The following ANO6 variants were observed in gnomAD, a reference collection of about 807,000 sequenced individuals.
ANO6 encodes the protein anoctamin-6.
Under a neutral mutation model 117.5 loss-of-function variants are expected in ANO6, and 106 were observed. The ratio of observed to expected loss-of-function variants is 0.90; its 90% CI spans 0.77 to 1.06. ANO6 has a LOEUF of 1.06. ANO6 is among the 50% of genes least tolerant of loss of function. The probability of loss-of-function intolerance (pLI) is 0.00; values close to 1 mark genes in which losing one functional copy is unlikely to be tolerated. For synonymous variants in ANO6, 367 were observed against 385.1 expected (o/e 0.95, Z 0.55); for missense variants, 955 against 1,121.1 (o/e 0.85, Z 2.12).
chr12:45,438,102 G>A (rs536057345), intron 19 of ANO6, among the ~76,000 whole-genome samples: 64 of 152,168 alleles, frequency 4.2e-4, no homozygotes, highest in African/African-American at 1.4e-3. Flanking sequence ...TGGTGCTTCC[G>A]CTCAGGCAAG....
chr12:45,238,073 A>G (rs1242062469), intron 1 of ANO6, among the ~76,000 whole-genome samples: 1 of 151,614 alleles, frequency 6.6e-6, no homozygotes, highest in Non-Finnish European at 1.5e-5. Flanking sequence ...TTGATTTTGT[A>G]TCCTGAGACT....
intron 2 of ANO6, among the ~76,000 whole-genome samples, chr12:45,324,272 T>C (rs1262226385): frequency 6.6e-6 from 1 of 152,178 alleles, no homozygotes; most frequent in South Asian, 2.1e-4. Flanking sequence ...TTTTTAAAAT[T>C]GTGTTTTGGA....
rs79936883 is a variant in ANO6, at chr12:45,222,850, C to T, written c.70+6459C>T. On this transcript the variant is annotated intron_variant, in intron 1 of 19. Transcript: ENST00000320560. ...CACAGAGATGCCAGAAAAATCTGAT[C>T]AGACAGGCCTTGCTGGGTTTCCCCA... Among the ~76,000 whole-genome samples the T allele has an allele frequency of 6.3e-3, 954 of 152,328 alleles. 7 individuals carry two copies. The highest frequency in any genetic ancestry group is 0.021 in the African/African-American group (879 of 41,570).
intron 1 of ANO6, among the ~76,000 whole-genome samples, chr12:45,225,509 G>T (rs1947468539): frequency 6.6e-6 from 1 of 150,830 alleles, no homozygotes; most frequent in East Asian, 2.0e-4. Flanking sequence ...TTTTTTTTGA[G>T]ATGGAGTCTT....
chr12:45,253,506 C>T (rs189242251), intron 1 of ANO6, among the ~76,000 whole-genome samples: 15 of 152,272 alleles, frequency 9.9e-5, no homozygotes, highest in African/African-American at 3.6e-4. Flanking sequence ...TCTAAATCTG[C>T]ACATGACTGT....
Position 45,276,303 on chromosome 12 carries a change from C to T in ANO6, c.71-25711C>T, listed in dbSNP as rs576213754. ...GTCTAATGACTGGGTCTGTCGTTTC[C>T]ACTCCTGCCACAGAAGTATGCTCTG... On this transcript the variant is annotated intron_variant, in intron 1 of 19. Transcript: ENST00000320560. Among the ~76,000 whole-genome samples the T allele has an allele frequency of 3.9e-5, 6 of 152,242 alleles. No homozygotes were observed. The South Asian group carries it at 8.3e-4, about 21-fold the overall frequency.
chr12:45,433,689 T>TCGTCAC (rs60282823), downstream of ANO6, among the ~76,000 whole-genome samples: 3 of 152,092 alleles, frequency 2.0e-5, no homozygotes, highest in Admixed American at 6.5e-5. Flanking sequence ...CTTTGAGCCC[T>TCGTCAC]CGTCACCGTC....
At chr12:45,294,276 AT>A (rs1939215382) in intron 1 of ANO6, among the ~76,000 whole-genome samples, 1 of 152,176 alleles carries the variant, frequency 6.6e-6, no homozygotes, top group African/African-American at 2.4e-5. Context: ...GAGGAAAAGC[AT>A]TTTTTACCAG....
chr12:45,409,576 A>G (rs1357288355), intron 16 of ANO6, 89 bp downstream of exon 16: 1 of 1,418,806 alleles, frequency 7.0e-7, no homozygotes, highest in African/African-American at 1.4e-5. Context: ...CCATATTAAC[A>G]TTTAGCATAT....
At chr12:45,335,341 T>C (rs1224447713) in intron 3 of ANO6, among the ~76,000 whole-genome samples, 1 of 152,014 alleles carries the variant, frequency 6.6e-6, no homozygotes, top group Non-Finnish European at 1.5e-5. Flanking sequence ...AAAACTGTTA[T>C]CCATTGTTTT....
intron 13 of ANO6, 136 bp from the exon 14 acceptor site, chr12:45,402,936 A>G: frequency 1.2e-6 from 1 of 866,526 alleles, no homozygotes. Flanking sequence ...GGAATTCAAA[A>G]CAGCTTAAAT....
At chr12:45,347,942 T>C (rs1941180664) in intron 4 of ANO6, 86 bp from the exon 5 acceptor site, 1 of 1,339,908 alleles carries the variant, frequency 7.5e-7, no homozygotes, top group Non-Finnish European at 1.0e-6. Context: ...TTTTTAAAGC[T>C]ACCAACAACA....
intron 2 of ANO6, among the ~76,000 whole-genome samples, chr12:45,309,544 G>A (rs955869075): frequency 6.6e-6 from 1 of 151,980 alleles, no homozygotes; most frequent in Admixed American, 6.6e-5. Flanking sequence ...GTCTCAAAGT[G>A]GGTTCAAGGA....
At chr12:45,270,363 T>C in intron 1 of ANO6, 1 of 1,375,066 alleles carries the variant, frequency 7.3e-7, no homozygotes, top group African/African-American at 1.5e-5. Context: ...TCCTTGTTGT[T>C]ACAGAGGCAG....
At chr12:45,296,221 C>A (rs1432944986) in intron 1 of ANO6, among the ~76,000 whole-genome samples, 1 of 152,172 alleles carries the variant, frequency 6.6e-6, no homozygotes, top group African/African-American at 2.4e-5. Context: ...TACAAGACAG[C>A]GTGGCAGATC....
intron 12 of ANO6, among the ~76,000 whole-genome samples, chr12:45,399,414 T>C (rs1350741956): frequency 6.6e-6 from 1 of 152,108 alleles, no homozygotes; most frequent in Non-Finnish European, 1.5e-5. Context: ...CAGGCTTGTC[T>C]GGAACTCCTG....
At chr12:45,314,549 T>G (rs1592952346) in intron 2 of ANO6, among the ~76,000 whole-genome samples, 1 of 151,274 alleles carries the variant, frequency 6.6e-6, no homozygotes, top group East Asian at 1.9e-4. Context: ...TATACACATA[T>G]ATGTGTACAT....
chr12:45,284,638 T>C (rs1023772485), intron 1 of ANO6, among the ~76,000 whole-genome samples: 2 of 152,186 alleles, frequency 1.3e-5, no homozygotes, highest in African/African-American at 4.8e-5. Context: ...AGGCATCTGT[T>C]CTCCCCAGAT....
intron 1 of ANO6, among the ~76,000 whole-genome samples, chr12:45,268,379 G>T (rs531913453): frequency 2.8e-4 from 43 of 152,242 alleles, no homozygotes; most frequent in Non-Finnish European, 8.8e-5. Context: ...AATTAGCCAG[G>T]TGTGGTGGTA....
Sources: gnomAD v4.1 joint callset for allele counts (sites outside exome capture counted in the v4.1 genomes callset) on GRCh38, gnomAD v4.1.1 for gene constraint, MANE v1.5 for transcripts, NCBI Gene and HGNC (gene_info 2026-07-23, HGNC 2026-07-21) for gene names.